KCNJ12: variants seen among roughly 807,000 people sequenced by gnomAD.
The protein encoded by KCNJ12 is ATP-sensitive inward rectifier potassium channel 12.
In KCNJ12, 2 loss-of-function variants were observed where a neutral mutation model predicts 22.3. The observed-to-expected ratio is 0.09, with a 90% CI of 0.04 to 0.28. The LOEUF is 0.28. KCNJ12 is among the 10% of genes least tolerant of loss of function. The pLI is 1.00. For missense variants in KCNJ12, 155 were observed against 633.3 expected, an observed-to-expected ratio of 0.24 and a Z score of 8.11; for synonymous variants, 117 against 261.4, an observed-to-expected ratio of 0.45 and a Z score of 5.33.
At chr17:21,378,603 G>C (rs1904755803) in intron 1 of KCNJ12, among the ~76,000 whole-genome samples, 1 of 152,108 alleles carries the variant, frequency 6.6e-6, no homozygotes, top group Non-Finnish European at 1.5e-5. Flanking sequence ...TGGGCCACAG[G>C]GACACCCCTC....
At chr17:21,395,402 C>T (rs1905322295) in intron 1 of KCNJ12, among the ~76,000 whole-genome samples, 2 of 150,912 alleles carry the variant, frequency 1.3e-5, no homozygotes, top group East Asian at 2.0e-4. Flanking sequence ...CGAGAGCAAC[C>T]TGGCTGACAT....
At chr17:21,377,071 T>G (rs533790459) in intron 1 of KCNJ12, among the ~76,000 whole-genome samples, 158 bp downstream of exon 1, 1 of 152,346 alleles carries the variant, frequency 6.6e-6, no homozygotes, top group Admixed American at 6.5e-5. Flanking sequence ...GTTTTATTTT[T>G]TTCCCTCCCT....
At chr17:21,391,180 A>T (rs1378321547) in intron 1 of KCNJ12, among the ~76,000 whole-genome samples, 1 of 152,172 alleles carries the variant, frequency 6.6e-6, no homozygotes, top group Non-Finnish European at 1.5e-5. Context: ...GTATGGATGG[A>T]CACACTCTGC....
chr17:21,397,338 C>T (rs894260616), intron 1 of KCNJ12, among the ~76,000 whole-genome samples: 3 of 152,246 alleles, frequency 2.0e-5, no homozygotes, highest in South Asian at 2.1e-4. Context: ...CCCCAAAGAA[C>T]GCAGGAGGCC....
intron 2 of KCNJ12, among the ~76,000 whole-genome samples, chr17:21,413,470 T>G (rs1906492547): frequency 6.7e-6 from 1 of 148,930 alleles, no homozygotes; most frequent in South Asian, 2.2e-4. Flanking sequence ...AGCTCTGAGG[T>G]TATGGTGTGA....
intron 1 of KCNJ12, among the ~76,000 whole-genome samples, chr17:21,378,656 G>A (rs1597549206): frequency 6.6e-6 from 1 of 152,154 alleles, no homozygotes; most frequent in Non-Finnish European, 1.5e-5. Flanking sequence ...TAGGCAGTCT[G>A]TAAATGCTGG....
rs1459063769 is a variant in KCNJ12 at position 21,417,140 on chromosome 17, A to C, written c.*496A>C. 1.2e-5 allele frequency: 2 copies of C among 168,828 alleles called. No individual in the cohort carries two copies. Among genetic ancestry groups the C allele is most frequent in the Non-Finnish European group, 2.8e-5 (2 of 70,550 alleles). The allele number at this position is 168,828 out of a possible 1,614,324, so 10.5% of individuals were successfully genotyped here. ...TTTTTTTAATTCACAGGGGGCAAAA[A>C]GAACAATTAGAATTCCATGGGTCTG... On this transcript the variant is annotated 3_prime_UTR_variant, in exon 3 of 3. Transcript: ENST00000583088.
At chr17:21,385,836 G>A (rs1555558562) in intron 1 of KCNJ12, among the ~76,000 whole-genome samples, 1 of 152,228 alleles carries the variant, frequency 6.6e-6, no homozygotes, top group Admixed American at 6.5e-5. Context: ...TCAAAGGCAG[G>A]TAATAGAGAG....
At chr17:21,404,678 G>T (rs1905826721) in intron 1 of KCNJ12, among the ~76,000 whole-genome samples, 1 of 152,226 alleles carries the variant, frequency 6.6e-6, no homozygotes, top group African/African-American at 2.4e-5. Flanking sequence ...GTCTGCGATG[G>T]CCACCCCAGC....
intron 1 of KCNJ12, among the ~76,000 whole-genome samples, chr17:21,405,605 T>C (rs1349844983): frequency 6.6e-6 from 1 of 152,274 alleles, no homozygotes; most frequent in Non-Finnish European, 1.5e-5. Flanking sequence ...AGCCCCAGCC[T>C]CAGCCCAGGC....
chr17:21,408,940 C>T (rs1429187879), intron 2 of KCNJ12, among the ~76,000 whole-genome samples: 3 of 152,312 alleles, frequency 2.0e-5, no homozygotes, highest in African/African-American at 4.8e-5. Context: ...ATCGTCCACC[C>T]ACCCATCTGT....
intron 1 of KCNJ12, among the ~76,000 whole-genome samples, chr17:21,406,931 C>T (rs1361609241): frequency 2.6e-5 from 4 of 152,296 alleles, no homozygotes; most frequent in South Asian, 2.1e-4. Context: ...CTGATTCTCA[C>T]GGCACACTGG....
chr17:21,407,798 TCC>T, intron 1 of KCNJ12, among the ~76,000 whole-genome samples: 1 of 15,598 alleles, frequency 6.4e-5, no homozygotes, highest in South Asian at 1.9e-3. Context: ...TATCCATTCA[TCC>T]ACTCATCCAT....
chr17:21,396,300 C>T (rs1006965448), intron 1 of KCNJ12, among the ~76,000 whole-genome samples: 5 of 152,212 alleles, frequency 3.3e-5, no homozygotes, highest in Non-Finnish European at 7.4e-5. Flanking sequence ...GAAGGGCAGC[C>T]GGGAATCTGA....
chr17:21,415,238 G>A (rs1371651851), intron 2 of KCNJ12, 49 bp from the exon 3 acceptor site: 9 of 1,516,520 alleles, frequency 5.9e-6, no homozygotes, highest in Non-Finnish European at 7.1e-6. Flanking sequence ...GGGGGTAGAG[G>A]AGCCCGGAGC....
intron 1 of KCNJ12, among the ~76,000 whole-genome samples, chr17:21,393,593 G>A (rs932832095): frequency 6.6e-6 from 1 of 152,222 alleles, no homozygotes; most frequent in Non-Finnish European, 1.5e-5. Flanking sequence ...GATGGTGGAG[G>A]CCGGAGGGCA....
Position 21,416,443 on chromosome 17 carries a change from C to T in KCNJ12, c.1101C>T (p.Phe367=), listed in dbSNP as rs558416998. 878 of 1,614,092 alleles carry T rather than the reference C, an allele frequency of 5.4e-4. No homozygotes were observed. The highest frequency in any genetic ancestry group is 1.2e-3 in the Admixed American group (70 of 60,020). ...CSAKDLVENK[F]LLPSANSFCY... is the part of the protein sequence containing the mutation. ...CGAAGGATCTGGTAGAGAACAAGTT[C>T]CTGCTGCCCAGCGCCAACTCCTTCT... The change falls in exon 3 of 3, where the codon TTC becomes TTT. Residue 367 remains phenylalanine, a synonymous_variant. Transcript: ENST00000583088.
At chr17:21,382,950 C>T (rs566766820) in intron 1 of KCNJ12, among the ~76,000 whole-genome samples, 13 of 152,324 alleles carry the variant, frequency 8.5e-5, no homozygotes, top group Non-Finnish European at 1.6e-4. Context: ...CAGCCTGAGG[C>T]CAGAGAGGGT....
In KCNJ12 at chr17:21,418,746, C is replaced by T. The variant is rs1393766207; in HGVS notation, c.*2102C>T. ...CTTAGGGGCCTTCTCAGCCTTAGCC[C>T]TGGGTACTGGGGTGAAGTTGGCAGG... On this transcript the variant is annotated 3_prime_UTR_variant, in exon 3 of 3. Coordinates refer to ENST00000583088, the MANE Select transcript of KCNJ12 (RefSeq NM_021012.5). 6.0e-6 allele frequency: 1 copy of T among 167,226 alleles called. No homozygotes were observed. The highest frequency in any genetic ancestry group is 2.4e-5 in the African/African-American group (1 of 41,480). The allele number at this position is 167,226 out of a possible 1,614,324, so 10.4% of individuals were successfully genotyped here.
Sources: allele counts gnomAD v4.1 joint callset (sites outside exome capture counted in the v4.1 genomes callset), GRCh38; gene constraint gnomAD v4.1.1; transcripts MANE v1.5; gene names NCBI Gene and HGNC (gene_info 2026-07-23, HGNC 2026-07-21).